The following BMPR1B variants were observed in gnomAD, a reference collection of about 807,000 sequenced individuals.
BMPR1B encodes the protein bone morphogenetic protein receptor type-1B.
BMPR1B carries 12 observed loss-of-function variants against 59.1 expected under a neutral mutation model. The ratio of observed to expected loss-of-function variants is 0.20; its 90% CI spans 0.13 to 0.33. BMPR1B has a LOEUF of 0.33. Among genes scored for constraint, BMPR1B ranks in the 10% least tolerant of loss-of-function variants. The probability of loss-of-function intolerance (pLI) is 1.00; values close to 1 mark genes in which losing one functional copy is unlikely to be tolerated. For synonymous variants in BMPR1B, 237 were observed against 207.3 expected (o/e 1.14, Z -1.23); for missense variants, 550 against 610.9 (o/e 0.90, Z 1.05).
intron 3 of BMPR1B, among the ~76,000 whole-genome samples, chr4:95,042,894 G>A (rs1285153997): frequency 1.3e-5 from 2 of 151,960 alleles, no homozygotes; most frequent in African/African-American, 4.8e-5. Context: ...GAATTACCTC[G>A]GCCGGGCGCG....
intron 1 of BMPR1B, among the ~76,000 whole-genome samples, chr4:94,777,854 T>G (rs6836126): frequency 6.6e-6 from 1 of 151,790 alleles, no homozygotes; most frequent in East Asian, 1.9e-4. Context: ...GATGAAACCC[T>G]GTCTCTACTA....
At chr4:94,794,172 A>G (rs1723093038) in intron 1 of BMPR1B, among the ~76,000 whole-genome samples, 1 of 137,844 alleles carries the variant, frequency 7.3e-6, no homozygotes, top group East Asian at 2.0e-4. Flanking sequence ...TAAGTCTTTA[A>G]TCCATCTTGA....
chr4:94,819,304 C>T (rs941395036), intron 1 of BMPR1B, among the ~76,000 whole-genome samples: 2 of 152,158 alleles, frequency 1.3e-5, no homozygotes, highest in Non-Finnish European at 2.9e-5. Context: ...TTAACTCTTA[C>T]CGCTACAACT....
chr4:95,013,883 A>G (rs1723393272), intron 3 of BMPR1B, among the ~76,000 whole-genome samples: 1 of 152,170 alleles, frequency 6.6e-6, no homozygotes, highest in South Asian at 2.1e-4. Flanking sequence ...GTTTTCCTGT[A>G]GCATCTAACA....
Position 95,132,761 on chromosome 4 carries a change from C to T in BMPR1B, c.1076+1249C>T, listed in dbSNP as rs186457799. Among the ~76,000 whole-genome samples, 32 of 152,090 alleles carry T rather than the reference C, an allele frequency of 2.1e-4. 1 individual carries two copies. The highest frequency in any genetic ancestry group is 8.5e-4 in the Admixed American group (13 of 15,276). ...AAGAGTTCCAAAAGATCATCTGCTT[C>T]GAAAACCCAGCAATTTGTTAATAGT... On this transcript the variant is annotated intron_variant, in intron 10 of 12. Transcript: ENST00000515059.
rs530193087 is a variant in BMPR1B, at chr4:94,987,135, TA to T, written c.-112-8903del. ...TATATAATATGTATATATGTATATG[TA>T]ATATATATAATGTATATATACATAT... is the stretch of plus-strand genomic sequence containing the variant. On this transcript the variant is annotated intron_variant, in intron 2 of 12. Coordinates refer to ENST00000515059, the MANE Select transcript of BMPR1B (RefSeq NM_001203.3). Among the ~76,000 whole-genome samples, 548 of 144,872 alleles carry T rather than the reference TA, an allele frequency of 3.8e-3. 4 individuals carry two copies. Among genetic ancestry groups the T allele is most frequent in the African/African-American group, 0.012 (475 of 39,840 alleles).
At chr4:94,953,588 C>T (rs568917595) in intron 2 of BMPR1B, among the ~76,000 whole-genome samples, 170 of 143,886 alleles carry the variant, frequency 1.2e-3, no homozygotes, top group Non-Finnish European at 2.0e-3. Context: ...TTGGCCCCCA[C>T]TCTCTTCTGG....
chr4:95,011,974 C>G (rs547792050), intron 3 of BMPR1B, among the ~76,000 whole-genome samples: 1 of 151,744 alleles, frequency 6.6e-6, no homozygotes, highest in African/African-American at 2.4e-5. Flanking sequence ...AGCCAAGATC[C>G]CACCACTGCA....
At chr4:94,915,178 C>T (rs561796698) in intron 2 of BMPR1B, among the ~76,000 whole-genome samples, 1 of 152,292 alleles carries the variant, frequency 6.6e-6, no homozygotes, top group East Asian at 1.9e-4. Flanking sequence ...AATCACCTTT[C>T]CATGCTTTGA....
At chr4:94,933,590 A>G (rs1398645787) in intron 2 of BMPR1B, among the ~76,000 whole-genome samples, 1 of 152,104 alleles carries the variant, frequency 6.6e-6, no homozygotes, top group Non-Finnish European at 1.5e-5. Flanking sequence ...AGCATGCTGG[A>G]TGGATTCTAA....
intron 3 of BMPR1B, among the ~76,000 whole-genome samples, chr4:95,053,856 A>G (rs1188094503): frequency 6.6e-6 from 1 of 152,176 alleles, no homozygotes; most frequent in Non-Finnish European, 1.5e-5. Flanking sequence ...CTATAAACAG[A>G]GAAGGACTAT....
intron 3 of BMPR1B, among the ~76,000 whole-genome samples, chr4:95,084,286 T>A (rs1011841270): frequency 6.6e-6 from 1 of 151,572 alleles, no homozygotes; most frequent in Non-Finnish European, 1.5e-5. Context: ...ATGTACATGA[T>A]CTATACATAT....
intron 2 of BMPR1B, among the ~76,000 whole-genome samples, chr4:94,892,511 C>T (rs1305206288): frequency 6.6e-6 from 1 of 151,890 alleles, no homozygotes; most frequent in African/African-American, 2.4e-5. Flanking sequence ...ATTTATTGAA[C>T]AAGTATGATG....
intron 1 of BMPR1B, among the ~76,000 whole-genome samples, chr4:94,824,636 TGA>T (rs1208998023): frequency 3.9e-5 from 6 of 152,332 alleles, no homozygotes; most frequent in African/African-American, 9.6e-5. Context: ...TAATTTTGTC[TGA>T]GAGAATGAAA....
chr4:95,090,849 TAATG>T lies in BMPR1B; in HGVS notation c.-17-13555_-17-13552del, dbSNP rs983781348. On this transcript the variant is annotated intron_variant, in intron 3 of 12. Coordinates refer to ENST00000515059, the MANE Select transcript of BMPR1B (RefSeq NM_001203.3). ...AAATATAAATTTTATATCAAATTTT[TAATG>T]AATCAAGTCAAATGATATGGTAGAT... Among the ~76,000 whole-genome samples, 13 of 152,264 alleles carry T rather than the reference TAATG, an allele frequency of 8.5e-5. 1 individual carries two copies. Among genetic ancestry groups the T allele is most frequent in the African/African-American group, 2.9e-4 (12 of 41,562 alleles).
In BMPR1B at chr4:95,051,731, T is replaced by C. The variant is rs1313272043; in HGVS notation, c.-17-52677T>C. ...TGGCTGGAAGAACTAAACTGGCAGC[T>C]TCACATTTTCTTGCTCATTCTTCTC... On this transcript the variant is annotated intron_variant, in intron 3 of 12. Coordinates refer to ENST00000515059, the MANE Select transcript of BMPR1B (RefSeq NM_001203.3). 7.2e-6 allele frequency: 11 copies of C among 1,535,626 alleles called. No homozygotes were observed. The South Asian group carries it at 1.1e-4, about 15-fold the overall frequency.
intron 3 of BMPR1B, among the ~76,000 whole-genome samples, chr4:95,006,791 G>A (rs1722872623): frequency 1.3e-5 from 2 of 151,772 alleles, no homozygotes; most frequent in Non-Finnish European, 1.5e-5. Flanking sequence ...CACCCGCCTC[G>A]GCCTCCCAAA....
chr4:95,145,348 T>A (rs1452101724), intron 10 of BMPR1B, among the ~76,000 whole-genome samples: 5 of 152,220 alleles, frequency 3.3e-5, no homozygotes, highest in Admixed American at 6.5e-5. Flanking sequence ...GTATCTATCT[T>A]TTCTTGTCAA....
intron 2 of BMPR1B, among the ~76,000 whole-genome samples, chr4:94,884,434 G>A (rs1727093514): frequency 6.6e-6 from 1 of 152,102 alleles, no homozygotes; most frequent in Non-Finnish European, 1.5e-5. Flanking sequence ...GCTGAGGCAG[G>A]AGAGTCACTT....
Sources: allele counts gnomAD v4.1 joint callset (sites outside exome capture counted in the v4.1 genomes callset), GRCh38; gene constraint gnomAD v4.1.1; transcripts MANE v1.5; gene names NCBI Gene and HGNC (gene_info 2026-07-23, HGNC 2026-07-21).